SYNDIG1: variants seen among roughly 807,000 people sequenced by gnomAD.
SYNDIG1 encodes synapse differentiation inducing 1.
SYNDIG1 carries 9 observed loss-of-function variants against 19.4 expected under a neutral mutation model. That is an observed-to-expected ratio of 0.46 (90% CI 0.28 to 0.81). The LOEUF is 0.81. Among genes scored for constraint, SYNDIG1 ranks in the 30% least tolerant of loss-of-function variants. The probability of loss-of-function intolerance (pLI) is 0.12; values close to 1 mark genes in which losing one functional copy is unlikely to be tolerated. For missense variants in SYNDIG1, 311 were observed against 343.3 expected (o/e 0.91, Z 0.74); for synonymous variants, 141 against 145.9 (o/e 0.97, Z 0.24).
At chr20:24,590,833 G>A (rs1393270733) in intron 3 of SYNDIG1, among the ~76,000 whole-genome samples, 1 of 152,136 alleles carries the variant, frequency 6.6e-6, no homozygotes, top group Non-Finnish European at 1.5e-5. Flanking sequence ...GGTGATGAGG[G>A]GCCCGTGGGA....
At chr20:24,470,096 TG>T (rs2055377421) in intron 1 of SYNDIG1, among the ~76,000 whole-genome samples, 1 of 152,012 alleles carries the variant, frequency 6.6e-6, no homozygotes, top group South Asian at 2.1e-4. Context: ...GCGAATTCGA[TG>T]GGAGCTGGTG....
chr20:24,518,643 G>T (rs1427729595), intron 1 of SYNDIG1, among the ~76,000 whole-genome samples: 1 of 152,210 alleles, frequency 6.6e-6, no homozygotes, highest in African/African-American at 2.4e-5. Flanking sequence ...GGTGCTGGGA[G>T]CAGCTTCCTG....
At chr20:24,563,758 T>C (rs1244039608) in intron 2 of SYNDIG1, among the ~76,000 whole-genome samples, 2 of 152,200 alleles carry the variant, frequency 1.3e-5, no homozygotes, top group African/African-American at 4.8e-5. Context: ...CTCACCACCA[T>C]GTCCAGCTAA....
intron 1 of SYNDIG1, among the ~76,000 whole-genome samples, chr20:24,471,500 C>T (rs1163459744): frequency 6.6e-6 from 1 of 151,196 alleles, no homozygotes; most frequent in Non-Finnish European, 1.5e-5. Flanking sequence ...CCGCCCGCCC[C>T]TTTGCAAGGA....
chr20:24,626,651 G>A (rs571892144), intron 3 of SYNDIG1, among the ~76,000 whole-genome samples: 172 of 152,336 alleles, frequency 1.1e-3, no homozygotes, highest in African/African-American at 3.9e-3. Context: ...AGGCAGAGAC[G>A]CTCCTCACTT....
chr20:24,536,567 C>T (rs143021740), intron 1 of SYNDIG1, among the ~76,000 whole-genome samples: 2 of 152,280 alleles, frequency 1.3e-5, no homozygotes, highest in East Asian at 3.9e-4. Context: ...ACCGGGTGTG[C>T]CCTTCCTAAA....
intron 2 of SYNDIG1, among the ~76,000 whole-genome samples, chr20:24,581,529 C>G (rs1353374103): frequency 6.6e-6 from 1 of 152,046 alleles, no homozygotes; most frequent in Non-Finnish European, 1.5e-5. Flanking sequence ...CCGAGCATCT[C>G]CTGCAGAGAT....
intron 1 of SYNDIG1, among the ~76,000 whole-genome samples, chr20:24,500,755 T>C (rs1034859592): frequency 1.6e-4 from 25 of 152,200 alleles, no homozygotes; most frequent in African/African-American, 5.8e-4. Context: ...CTGTCAGCCA[T>C]GTCCATTGGA....
chr20:24,584,579 T>C (rs1481828341), intron 2 of SYNDIG1, among the ~76,000 whole-genome samples: 1 of 152,192 alleles, frequency 6.6e-6, no homozygotes, highest in Non-Finnish European at 1.5e-5. Context: ...GAAATACTGC[T>C]TTCTGTAGGA....
chr20:24,611,092 C>T (rs2058840669), intron 3 of SYNDIG1, among the ~76,000 whole-genome samples: 1 of 152,146 alleles, frequency 6.6e-6, no homozygotes, highest in Non-Finnish European at 1.5e-5. Context: ...CTTATTTCTG[C>T]TGCTGGAACT....
intron 3 of SYNDIG1, among the ~76,000 whole-genome samples, chr20:24,648,588 CA>C (rs1053165911): frequency 3.3e-5 from 5 of 152,242 alleles, no homozygotes; most frequent in Non-Finnish European, 5.9e-5. Flanking sequence ...AGTCTGAAAG[CA>C]GGGAGGTTCC....
rs1390735947 is a variant in SYNDIG1, at chr20:24,665,372, C to A, written c.645C>A (p.Asp215Glu). ...CCAACAAAGCCGTGGCCAAGGGGGACTTGCACCAGGCCAGCACCAGCTCCC... is the reference window on the plus strand; with the variant it reads ...CCAACAAAGCCGTGGCCAAGGGGGAATTGCACCAGGCCAGCACCAGCTCCC... Reference protein sequence around the residue: ...HETNKAVAKGDLHQASTSSRR... With the variant: ...HETNKAVAKGELHQASTSSRR... The change falls in exon 4 of 4, where the codon GAC (aspartate) becomes GAA (glutamate). Residue 215 changes from aspartate (D) to glutamate (E), a missense_variant. Physicochemically the swap from Asp to Glu is conservative, Grantham distance 45. Transcript: ENST00000376862. The A allele has an allele frequency of 6.2e-7, 1 of 1,604,904 alleles. No individual in the cohort carries two copies. Among genetic ancestry groups the A allele is most frequent in the Non-Finnish European group, 8.5e-7 (1 of 1,177,200 alleles).
At chr20:24,556,516 C>G (rs917746729) in intron 2 of SYNDIG1, among the ~76,000 whole-genome samples, 10 of 152,176 alleles carry the variant, frequency 6.6e-5, no homozygotes, top group Admixed American at 2.0e-4. Context: ...GACAAAATCT[C>G]TCAGCATTTG....
At chr20:24,662,004 C>G (rs560941095) in intron 3 of SYNDIG1, among the ~76,000 whole-genome samples, 2 of 152,258 alleles carry the variant, frequency 1.3e-5, no homozygotes, top group South Asian at 4.1e-4. Context: ...TTTCTCATCA[C>G]GAAGCCATGA....
chr20:24,548,818 T>C (rs1409891481), intron 2 of SYNDIG1, among the ~76,000 whole-genome samples: 1 of 152,214 alleles, frequency 6.6e-6, no homozygotes, highest in Non-Finnish European at 1.5e-5. Context: ...GCTTTCATGA[T>C]GAAAGGTGAT....
intron 3 of SYNDIG1, among the ~76,000 whole-genome samples, chr20:24,587,204 C>T (rs548803696): frequency 6.6e-6 from 1 of 152,234 alleles, no homozygotes; most frequent in Admixed American, 6.5e-5. Context: ...TCACTATGGG[C>T]GTAGAGAGGA....
intron 2 of SYNDIG1, among the ~76,000 whole-genome samples, chr20:24,566,669 G>T (rs2058047961): frequency 6.6e-6 from 1 of 152,144 alleles, no homozygotes; most frequent in Admixed American, 6.5e-5. Context: ...AAAGAAAAAT[G>T]GTTTGGGAGC....
chr20:24,470,310 G>A (rs2055386753), intron 1 of SYNDIG1, among the ~76,000 whole-genome samples: 1 of 152,196 alleles, frequency 6.6e-6, no homozygotes, highest in Admixed American at 6.5e-5. Flanking sequence ...TTCTCCGAGC[G>A]GAGCGGCAGG....
At chr20:24,652,688 C>T (rs1252555704) in intron 3 of SYNDIG1, among the ~76,000 whole-genome samples, 2 of 151,714 alleles carry the variant, frequency 1.3e-5, no homozygotes, top group Middle Eastern at 3.4e-3. Context: ...CAAATACCTG[C>T]CCTGACTCTG....
Sources: allele counts gnomAD v4.1 joint callset (sites outside exome capture counted in the v4.1 genomes callset), GRCh38; gene constraint gnomAD v4.1.1; transcripts MANE v1.5; gene names NCBI Gene and HGNC (gene_info 2026-07-23, HGNC 2026-07-21).